The following KALRN variants were observed in gnomAD, a reference collection of about 807,000 sequenced individuals.
KALRN encodes kalirin RhoGEF kinase.
Under a neutral mutation model 353.7 loss-of-function variants are expected in KALRN, and 70 were observed. The observed-to-expected ratio is 0.20, with a 90% CI of 0.16 to 0.24. The LOEUF is 0.24. KALRN is among the 10% of genes least tolerant of loss of function. KALRN has a pLI of 1.00. For synonymous variants in KALRN, 1,391 were observed against 1,434.8 expected, an observed-to-expected ratio of 0.97 and a Z score of 0.69; for missense variants, 2,791 against 3,756.7, an observed-to-expected ratio of 0.74 and a Z score of 6.72.
intron 10 of KALRN, among the ~76,000 whole-genome samples, chr3:124,350,982 C>A (rs147391500): frequency 7.9e-5 from 12 of 152,270 alleles, no homozygotes; most frequent in African/African-American, 2.6e-4. Context: ...AGTGGCCCAG[C>A]ATCCTGGGAT....
chr3:124,699,440 C>T (rs1055606173), intron 55 of KALRN, among the ~76,000 whole-genome samples: 1 of 152,168 alleles, frequency 6.6e-6, no homozygotes, highest in African/African-American at 2.4e-5. Context: ...TTGAAAACAC[C>T]TTCCACAGTA....
At chr3:124,360,571 A>G (rs2083919963) in intron 10 of KALRN, among the ~76,000 whole-genome samples, 1 of 152,208 alleles carries the variant, frequency 6.6e-6, no homozygotes, top group African/African-American at 2.4e-5. Context: ...GAATAAAGTT[A>G]ATGTCTCTCA....
chr3:124,651,031 C>CA lies in KALRN; in HGVS notation c.5795+93_5795+94insA. 3.4e-6 allele frequency: 5 copies of CA among 1,456,242 alleles called. No homozygotes were observed. The East Asian group carries it at 1.1e-4, about 33-fold the overall frequency. The allele number at this position is 1,456,242 out of a possible 1,614,324, so 90.2% of individuals were successfully genotyped here. A position where few individuals can be genotyped will look rare whatever the true frequency, so the allele number is the denominator to read the frequency against. ...GGGAAAATTCGAGAGGGGTTCCCCA[C>CA]GCTGTTTCCACTGACATCTTTCATT... On this transcript the variant is annotated intron_variant, in intron 38 of 59. Transcript: ENST00000682506.
At chr3:124,499,781 G>A (rs1048387407) in intron 33 of KALRN, among the ~76,000 whole-genome samples, 1 of 152,078 alleles carries the variant, frequency 6.6e-6, no homozygotes, top group Non-Finnish European at 1.5e-5. Context: ...TGCTCAAATT[G>A]TACCACGTTT....
At chr3:124,358,451 A>C (rs1307074504) in intron 10 of KALRN, among the ~76,000 whole-genome samples, 1 of 152,180 alleles carries the variant, frequency 6.6e-6, no homozygotes, top group Non-Finnish European at 1.5e-5. Context: ...AAGAGATCCG[A>C]AAGGCAACAA....
intron 57 of KALRN, among the ~76,000 whole-genome samples, chr3:124,707,056 G>T (rs2062653054): frequency 6.6e-6 from 1 of 151,950 alleles, no homozygotes; most frequent in Admixed American, 6.5e-5. Flanking sequence ...CAAAAGACTT[G>T]GGCTGGGTGT....
At position 124,446,771 on chromosome 3, in the gene KALRN, C is replaced by T. The variant is rs1221976524; in HGVS notation, c.3438C>T (p.Asp1146=). 6.2e-7 allele frequency: 1 copy of T among 1,614,100 alleles called. No homozygotes were observed. Among genetic ancestry groups the T allele is most frequent in the Admixed American group, 1.7e-5 (1 of 60,014 alleles). ...VFERSAKQAL[D]WIQETGEFYL... is the part of the protein sequence containing the mutation. ...GTTGTTTCCTCCCATAGGCGCTTGACTGGATCCAAGAAACAGGTGAATTTT... is the reference window on the plus strand; with the variant it reads ...GTTGTTTCCTCCCATAGGCGCTTGATTGGATCCAAGAAACAGGTGAATTTT... Residue 1146 remains aspartate (D), a synonymous_variant, in exon 21 of 60, where the codon GAC becomes GAT. Transcript: ENST00000682506.
rs968666996 is a variant in KALRN, at chr3:124,724,136, T to A, written c.*4666T>A. On this transcript the variant is annotated 3_prime_UTR_variant, in exon 60 of 60. Coordinates refer to ENST00000682506, the MANE Select transcript of KALRN (RefSeq NM_001388419.1). ...AGTTAGGCATTACTTTTTTCTTGCCTCTGTGGAAGAGCATGGCAATTTAGA... is the reference window on the plus strand; with the variant it reads ...AGTTAGGCATTACTTTTTTCTTGCCACTGTGGAAGAGCATGGCAATTTAGA... 20 of 152,010 alleles carry A rather than the reference T, an allele frequency of 1.3e-4. No individual in the cohort carries two copies. Among genetic ancestry groups the A allele is most frequent in the African/African-American group, 3.6e-4 (15 of 41,398 alleles). 9.4% of individuals were successfully genotyped at this position (152,010 alleles called of 1,614,324 possible).
At chr3:124,151,513 T>A (rs1161502766) in intron 1 of KALRN, among the ~76,000 whole-genome samples, 1 of 152,224 alleles carries the variant, frequency 6.6e-6, no homozygotes, top group Non-Finnish European at 1.5e-5. Flanking sequence ...TGAATCTTCA[T>A]GTCTTTTGCC....
Position 124,347,221 on chromosome 3 carries a change from C to T in KALRN, c.1726C>T (p.Arg576Trp), listed in dbSNP as rs756322644. ...AGTTGGGAAGTCCCTACATCGAGCCCGGGCCCTGCAGAAGAGGCATGATGA... is the reference window on the plus strand; with the variant it reads ...AGTTGGGAAGTCCCTACATCGAGCCTGGGCCCTGCAGAAGAGGCATGATGA... ...TGVGKSLHRA[R>W]ALQKRHDDFE... Residue 576 changes from arginine to tryptophan, a missense_variant, in exon 10 of 60, where the codon CGG (arginine) becomes TGG (tryptophan). Physicochemically the swap from Arg to Trp is moderately radical, Grantham distance 101. Transcript: ENST00000682506. The T allele has an allele frequency of 3.1e-6, 5 of 1,612,620 alleles. No individual in the cohort carries two copies. The highest frequency in any genetic ancestry group is 2.7e-5 in the African/African-American group (2 of 74,434).
chr3:124,381,199 A>G (rs1367289944), intron 10 of KALRN, among the ~76,000 whole-genome samples: 1 of 152,192 alleles, frequency 6.6e-6, no homozygotes, highest in Non-Finnish European at 1.5e-5. Context: ...CTGGGTCTTA[A>G]AGAATGAATA....
At chr3:124,231,566 A>T (rs6768010) in intron 2 of KALRN, among the ~76,000 whole-genome samples, 17,917 of 152,174 alleles carry the variant, frequency 0.12, 1,798 homozygotes, top group East Asian at 0.55. Flanking sequence ...CCACAGGATG[A>T]TCCTCTACAA....
At chr3:124,448,989 A>G (rs1260680780) in intron 21 of KALRN, among the ~76,000 whole-genome samples, 3 of 152,196 alleles carry the variant, frequency 2.0e-5, no homozygotes, top group Admixed American at 6.5e-5. Flanking sequence ...TGTAACTATC[A>G]TGTTCCAAAT....
chr3:124,391,584 A>T (rs971460851), intron 11 of KALRN, among the ~76,000 whole-genome samples: 1 of 152,204 alleles, frequency 6.6e-6, no homozygotes, highest in African/African-American at 2.4e-5. Flanking sequence ...GCTAAATCGG[A>T]GGGACATACA....
At chr3:124,101,803 G>C (rs1316009833) in intron 1 of KALRN, among the ~76,000 whole-genome samples, 2 of 152,108 alleles carry the variant, frequency 1.3e-5, no homozygotes, top group Non-Finnish European at 2.9e-5. Flanking sequence ...CCCTAACCAG[G>C]TCAGACTTGG....
chr3:124,514,451 A>G (rs1247353336), intron 33 of KALRN, among the ~76,000 whole-genome samples: 1 of 152,206 alleles, frequency 6.6e-6, no homozygotes. Context: ...GGCTGCCTGC[A>G]AGCAAGCCAT....
Position 124,537,310 on chromosome 3 carries a change from G to C in KALRN, c.4936-25533G>C, listed in dbSNP as rs144936008. The stretch of plus-strand genomic sequence containing the variant: ...TCCTGCCTTGGCCTCCAAAAGTACT[G>C]GGATTACAGGTGTGAGCCACCATGC... On this transcript the variant is annotated intron_variant, in intron 33 of 59. Transcript: ENST00000682506. 4.4e-3 allele frequency among the ~76,000 whole-genome samples: 663 copies of C among 152,294 alleles called. 3 individuals carry two copies. The highest frequency in any genetic ancestry group is 7.1e-3 in the Non-Finnish European group (481 of 68,028).
At position 124,678,231 on chromosome 3, in the gene KALRN, C is replaced by T. The variant is rs1197217291; in HGVS notation, c.7235C>T (p.Ala2412Val). ...CATACTCTACGCATGAGAAAGCGGG[C>T]GGAAGTGGAGAACACGGGTAAAAAT... is the stretch of plus-strand genomic sequence containing the variant. ...SWHTLRMRKR[A>V]EVENTGKNEA... The change falls in exon 50 of 60, where the codon GCG (alanine) becomes GTG (valine). Residue 2412 changes from alanine (A) to valine (V), a missense_variant. Around this residue, in one of 11 missense-constraint regions of KALRN, gnomAD observed 1,065 missense variants for 1,156.4 expected, o/e 0.92. Transcript: ENST00000682506. The T allele has an allele frequency of 1.1e-5, 17 of 1,613,736 alleles. No homozygotes were observed. Among genetic ancestry groups the T allele is most frequent in the East Asian group, 6.7e-5 (3 of 44,890 alleles).
At chr3:124,461,026 T>C (rs1238352232) in intron 23 of KALRN, among the ~76,000 whole-genome samples, 1 of 152,208 alleles carries the variant, frequency 6.6e-6, no homozygotes, top group Non-Finnish European at 1.5e-5. Flanking sequence ...CCATTGGAAA[T>C]AGTACTGAAA....
Sources: allele counts gnomAD v4.1 joint callset (sites outside exome capture counted in the v4.1 genomes callset), GRCh38; gene constraint gnomAD v4.1.1; regional missense constraint gnomAD v4.1.1; transcripts MANE v1.5; gene names NCBI Gene and HGNC (gene_info 2026-07-23, HGNC 2026-07-21).